CD99L2: variants seen among roughly 807,000 people sequenced by gnomAD.
The protein encoded by CD99L2 is CD99 antigen-like protein 2.
In CD99L2, 24 loss-of-function variants were observed where a neutral mutation model predicts 27.3. The observed-to-expected ratio is 0.88, with a 90% CI of 0.64 to 1.24. CD99L2 has a LOEUF of 1.24. Ranked by LOEUF, CD99L2 falls within the 50% of genes most tolerant of loss-of-function variation. The pLI is 0.00. For synonymous variants in CD99L2, 97 were observed against 87.9 expected (o/e 1.10, Z -0.58); for missense variants, 255 against 221.6 (o/e 1.15, Z -0.96).
chrX:150,798,147 G>GAA, intron 4 of CD99L2, among the ~76,000 whole-genome samples: 1 of 38,280 alleles, frequency 2.6e-5, no homozygotes, highest in Non-Finnish European at 4.5e-5. Context: ...AGGAAGGAAG[G>GAA]GAGGGAGGGA....
intron 1 of CD99L2, among the ~76,000 whole-genome samples, chrX:150,871,668 A>C (rs1174714284): frequency 2.7e-5 from 3 of 112,279 alleles, no homozygotes; most frequent in African/African-American, 6.5e-5. Flanking sequence ...CATATCCCCA[A>C]AAAGCCTTGG....
chrX:150,807,466 C>T (rs1437295538), intron 4 of CD99L2, among the ~76,000 whole-genome samples: 1 of 112,125 alleles, frequency 8.9e-6, no homozygotes, highest in Non-Finnish European at 1.9e-5. Flanking sequence ...GCCAGGATCC[C>T]TGCACTTCAG....
intron 1 of CD99L2, among the ~76,000 whole-genome samples, chrX:150,877,146 G>C (rs868986858): frequency 1.9e-5 from 2 of 104,544 alleles, no homozygotes; most frequent in South Asian, 4.1e-4. Context: ...AAGAAAGAAA[G>C]AAACAAAAAA....
intron 2 of CD99L2, among the ~76,000 whole-genome samples, chrX:150,818,199 C>CAAATATATATATATAT (rs1330665475): frequency 2.0e-4 from 6 of 30,633 alleles, no homozygotes; most frequent in African/African-American, 3.4e-4. Flanking sequence ...AACAAGTAGG[C>CAAATATATATATATAT]AGATATATAT....
intron 10 of CD99L2, among the ~76,000 whole-genome samples, chrX:150,769,674 TGCCTGCGCCACCAGGCCTCG>T (rs1409322475): frequency 4.1e-5 from 4 of 96,999 alleles, no homozygotes; most frequent in Non-Finnish European, 7.8e-5. Flanking sequence ...CTAGTCTCCC[TGCCTGCGCCACCAGGCCTCG>T]GCTGCTCCCC....
intron 1 of CD99L2, among the ~76,000 whole-genome samples, chrX:150,878,707 A>G (rs782327437): frequency 8.9e-6 from 1 of 112,009 alleles, no homozygotes; most frequent in East Asian, 2.8e-4. Flanking sequence ...TCAAAACAAG[A>G]GTAATTTTTT....
intron 9 of CD99L2, among the ~76,000 whole-genome samples, chrX:150,774,250 A>T (rs781889165): frequency 1.8e-5 from 2 of 111,948 alleles, no homozygotes; most frequent in South Asian, 7.5e-4. Context: ...GTTTAATCTA[A>T]ATCTGGGCTT....
intron 7 of CD99L2, among the ~76,000 whole-genome samples, chrX:150,778,679 A>ATAT (rs1569565875): frequency 5.0e-4 from 12 of 24,129 alleles, no homozygotes; most frequent in African/African-American, 1.4e-3. Flanking sequence ...ATAATAAAAA[A>ATAT]AAAAAAATAT....
At chrX:150,769,704 C>A (rs1320316625) in intron 10 of CD99L2, among the ~76,000 whole-genome samples, 1 of 78,765 alleles carries the variant, frequency 1.3e-5, no homozygotes, top group African/African-American at 1.6e-4. Context: ...GGCTGCTCCC[C>A]GACCCCAGCA....
intron 1 of CD99L2, among the ~76,000 whole-genome samples, chrX:150,877,894 G>C (rs921024271): frequency 9.1e-6 from 1 of 109,530 alleles, no homozygotes; most frequent in Non-Finnish European, 1.9e-5. Flanking sequence ...GTTAGGTAAA[G>C]TGGCTAACGA....
intron 2 of CD99L2, among the ~76,000 whole-genome samples, chrX:150,824,022 GGAAGAGGAGGAGGAGGAGGAGGAAGAA>G (rs1557420738): frequency 2.1e-5 from 2 of 94,832 alleles, no homozygotes; most frequent in African/African-American, 3.8e-5. Context: ...AGGAGGAAGA[GGAAGAGGAGGAGGAGGAGGAGGAAGAA>G]GAAGAGGAGG....
chrX:150,794,326 G>A (rs1349255106), intron 6 of CD99L2, among the ~76,000 whole-genome samples: 4 of 111,787 alleles, frequency 3.6e-5, no homozygotes, highest in Non-Finnish European at 7.5e-5. Context: ...AACTTCAGAC[G>A]AGACCCCAGC....
intron 10 of CD99L2, among the ~76,000 whole-genome samples, 183 bp from the exon 11 acceptor site, chrX:150,769,284 G>C (rs1044790807): frequency 1.8e-5 from 2 of 112,180 alleles, no homozygotes; most frequent in African/African-American, 3.2e-5. Context: ...GAGAGAAAGA[G>C]AAAGCTGGAC....
chrX:150,869,009 G>T (rs1299143764), intron 1 of CD99L2, among the ~76,000 whole-genome samples: 3 of 112,407 alleles, frequency 2.7e-5, no homozygotes, highest in African/African-American at 9.7e-5. Context: ...TTTCTCTCAT[G>T]GTCAAGGCAA....
At chrX:150,873,598 G>A (rs1289472058) in intron 1 of CD99L2, among the ~76,000 whole-genome samples, 1 of 112,078 alleles carries the variant, frequency 8.9e-6, no homozygotes. Flanking sequence ...CATAAAAAAT[G>A]AAAAGTCCAT....
At chrX:150,898,408 G>A in intron 1 of CD99L2, 114 bp downstream of exon 1, 2 of 565,505 alleles carry the variant, frequency 3.5e-6, no homozygotes, top group Non-Finnish European at 4.7e-6. Context: ...GCCGGCCGGT[G>A]GCAGCCACCG....
intron 9 of CD99L2, among the ~76,000 whole-genome samples, chrX:150,773,185 G>C (rs2043490835): frequency 8.9e-6 from 1 of 112,406 alleles, no homozygotes; most frequent in African/African-American, 3.2e-5. Context: ...GCAGAAGGAA[G>C]TCGAGATACC....
intron 4 of CD99L2, among the ~76,000 whole-genome samples, chrX:150,799,793 G>A (rs1426688065): frequency 9.0e-5 from 10 of 111,670 alleles, no homozygotes; most frequent in Non-Finnish European, 1.7e-4. Context: ...ATGTAAAATG[G>A]TGCAGCTGCT....
chrX:150,867,411 A>T (rs1298524132), intron 1 of CD99L2, among the ~76,000 whole-genome samples: 1 of 111,661 alleles, frequency 9.0e-6, no homozygotes, highest in Non-Finnish European at 1.9e-5. Flanking sequence ...ACCTTGTCTC[A>T]AAATAATTAA....
Sources: gnomAD v4.1 joint callset for allele counts (sites outside exome capture counted in the v4.1 genomes callset) on GRCh38, gnomAD v4.1.1 for gene constraint, MANE v1.5 for transcripts, NCBI Gene and HGNC (gene_info 2026-07-23, HGNC 2026-07-21) for gene names.